The following RAPGEF6 variants were observed in gnomAD, a reference collection of about 807,000 sequenced individuals.
The protein encoded by RAPGEF6 is PDZ domain containing guanine nucleotide exchange factor (GEF) 2.
RAPGEF6 carries 56 observed loss-of-function variants against 171.4 expected under a neutral mutation model. That is an observed-to-expected ratio of 0.33 (90% confidence interval 0.26 to 0.41). RAPGEF6 has a LOEUF of 0.41. RAPGEF6 is among the 10% of genes least tolerant of loss of function. The probability of loss-of-function intolerance (pLI) is 1.00; values close to 1 mark genes in which losing one functional copy is unlikely to be tolerated. For synonymous variants in RAPGEF6, 692 were observed against 650.1 expected (o/e 1.06, Z -0.98); for missense variants, 1,674 against 1,921.4 (o/e 0.87, Z 2.41).
chr5:131,560,431 T>C (rs1407252871), intron 5 of RAPGEF6, among the ~76,000 whole-genome samples: 1 of 152,226 alleles, frequency 6.6e-6, no homozygotes, highest in African/African-American at 2.4e-5. Context: ...ACATAAAGTA[T>C]GTAAAACAAG....
At chr5:131,522,969 G>A (rs891599684) in intron 6 of RAPGEF6, among the ~76,000 whole-genome samples, 1 of 152,138 alleles carries the variant, frequency 6.6e-6, no homozygotes, top group Admixed American at 6.5e-5. Flanking sequence ...ACTGTTGGAA[G>A]CAAACACAAA....
chr5:131,601,375 G>A (rs1223846480), intron 3 of RAPGEF6, among the ~76,000 whole-genome samples: 1 of 136,952 alleles, frequency 7.3e-6, no homozygotes, highest in African/African-American at 2.7e-5. Context: ...ACAAGAGCGA[G>A]ACTCCGTCTC....
At chr5:131,568,737 T>C (rs1762098004) in intron 4 of RAPGEF6, among the ~76,000 whole-genome samples, 1 of 152,014 alleles carries the variant, frequency 6.6e-6, no homozygotes, top group African/African-American at 2.4e-5. Context: ...CTCTCACCAG[T>C]ACAATAAGGC....
At chr5:131,629,181 C>T (rs956169063) in intron 1 of RAPGEF6, among the ~76,000 whole-genome samples, 1 of 152,016 alleles carries the variant, frequency 6.6e-6, no homozygotes, top group African/African-American at 2.4e-5. Flanking sequence ...TTCCAGATGC[C>T]ATTAAAACCA....
At chr5:131,565,024 C>T (rs1017436538) in intron 4 of RAPGEF6, among the ~76,000 whole-genome samples, 10 of 151,998 alleles carry the variant, frequency 6.6e-5, no homozygotes, top group Admixed American at 2.0e-4. Context: ...TATTAAAATA[C>T]GTATTTTATA....
chr5:131,633,113 CATG>C (rs991000202), intron 1 of RAPGEF6, among the ~76,000 whole-genome samples: 9 of 152,132 alleles, frequency 5.9e-5, no homozygotes, highest in African/African-American at 2.2e-4. Flanking sequence ...GCGAGCGGAT[CATG>C]ATGTCAGGAG....
Position 131,433,611 on chromosome 5 carries a change from TG to T in RAPGEF6, c.3792del (p.Ser1265AlafsTer12). Reference protein sequence around the residue: ...PSAKSDNLSDSSHSEISSRSS... With the variant: ...PSAKSDNLSDXSHSEISSRSS... ...GACCGTGAAGAAATCTCACTATGGC[TG>T]GAGTCAGACAAGTTGTCAGATTTAG... On this transcript the variant is annotated frameshift_variant, in exon 25 of 28. Coordinates refer to ENST00000509018, the MANE Select transcript of RAPGEF6 (RefSeq NM_016340.6). LOFTEE classifies it high-confidence loss of function. 2 of 1,613,700 alleles carry T rather than the reference TG, an allele frequency of 1.2e-6. No homozygotes were observed. The highest frequency in any genetic ancestry group is 1.6e-4 in the Middle Eastern group (1 of 6,062).
intron 7 of RAPGEF6, among the ~76,000 whole-genome samples, chr5:131,519,600 C>A (rs1758339884): frequency 6.6e-6 from 1 of 152,190 alleles, no homozygotes; most frequent in African/African-American, 2.4e-5. Context: ...CAGGGTTTCA[C>A]CATGTTGGTC....
intron 6 of RAPGEF6, among the ~76,000 whole-genome samples, chr5:131,544,328 A>C (rs1760360349): frequency 6.6e-6 from 1 of 152,182 alleles, no homozygotes; most frequent in East Asian, 1.9e-4. Context: ...ACAGAAACAA[A>C]TTGTGGTACA....
intron 4 of RAPGEF6, among the ~76,000 whole-genome samples, chr5:131,576,205 T>C (rs917154303): frequency 5.3e-5 from 8 of 152,132 alleles, no homozygotes; most frequent in African/African-American, 1.9e-4. Flanking sequence ...TAATCCAGAC[T>C]GCGCTTGGTT....
At chr5:131,449,029 G>A (rs1440134503) in intron 21 of RAPGEF6, among the ~76,000 whole-genome samples, 1 of 152,076 alleles carries the variant, frequency 6.6e-6, no homozygotes. Flanking sequence ...GGCAAGACTC[G>A]AATAAAGAAG....
intron 6 of RAPGEF6, among the ~76,000 whole-genome samples, chr5:131,531,800 A>G (rs1174195093): frequency 6.6e-6 from 1 of 152,204 alleles, no homozygotes; most frequent in South Asian, 2.1e-4. Context: ...AGCAAGTTAG[A>G]GTATGATCAC....
At chr5:131,502,162 A>T (rs1428495551) in intron 11 of RAPGEF6, among the ~76,000 whole-genome samples, 1 of 152,242 alleles carries the variant, frequency 6.6e-6, no homozygotes, top group African/African-American at 2.4e-5. Context: ...TGGTAACATA[A>T]GTTTATACCA....
In RAPGEF6 at chr5:131,452,978, A is replaced by C. The variant is rs1188604129; in HGVS notation, c.3200+76T>G. Reference sequence around the variant, plus strand: ...CACACATGGTAGAATAAATATGATCAATAAATGATAAATATTTTAATTATT... The same window carrying C: ...CACACATGGTAGAATAAATATGATCCATAAATGATAAATATTTTAATTATT... On this transcript the variant is annotated intron_variant, in intron 21 of 27. Coordinates refer to ENST00000509018, the MANE Select transcript of RAPGEF6 (RefSeq NM_016340.6). 2.7e-6 allele frequency: 4 copies of C among 1,501,362 alleles called. 1 individual carries two copies. Among genetic ancestry groups the C allele is most frequent in the Non-Finnish European group, 3.6e-6 (4 of 1,117,824 alleles). The allele number at this position is 1,501,362 out of a possible 1,614,324, so 93.0% of individuals were successfully genotyped here.
intron 5 of RAPGEF6, among the ~76,000 whole-genome samples, chr5:131,550,632 G>A (rs1581010641): frequency 6.6e-6 from 1 of 152,118 alleles, no homozygotes; most frequent in Non-Finnish European, 1.5e-5. Context: ...TACCCATTCT[G>A]TCTTCACATG....
At position 131,431,264 on chromosome 5, in the gene RAPGEF6, T is replaced by C. The variant is rs776548995; in HGVS notation, c.4060A>G (p.Ile1354Val). 1 of 1,614,238 alleles carries C rather than the reference T, an allele frequency of 6.2e-7. No individual in the cohort carries two copies. Among genetic ancestry groups the C allele is most frequent in the Non-Finnish European group, 8.5e-7 (1 of 1,180,028 alleles). Residue 1354 changes from isoleucine to valine, a missense_variant, in exon 26 of 28, where the codon ATT becomes GTT. This residue lies in a region of RAPGEF6 where 552 missense variants were observed against 574.2 expected (regional missense o/e 0.96). Transcript: ENST00000509018. Reference protein sequence around the residue: ...SNEEISQEHIIIEAADSGRGS... With the variant: ...SNEEISQEHIVIEAADSGRGS... ...CGACCACTGTCAGCTGCTTCTATAA[T>C]GATATGCTCTTGAGAAATCTCTTCA...
chr5:131,467,788 T>C (rs1162130738), intron 17 of RAPGEF6, among the ~76,000 whole-genome samples: 1 of 152,122 alleles, frequency 6.6e-6, no homozygotes, highest in Non-Finnish European at 1.5e-5. Context: ...TTCTAGCACT[T>C]TAGGGGGCTG....
chr5:131,575,882 G>C (rs569086274), intron 4 of RAPGEF6, among the ~76,000 whole-genome samples: 1 of 152,178 alleles, frequency 6.6e-6, no homozygotes, highest in African/African-American at 2.4e-5. Context: ...TCATGTCTAC[G>C]TGCAGTGGCA....
intron 6 of RAPGEF6, among the ~76,000 whole-genome samples, chr5:131,535,037 A>T (rs902021495): frequency 2.0e-5 from 3 of 152,174 alleles, no homozygotes; most frequent in Non-Finnish European, 4.4e-5. Context: ...AGTGTGAGAA[A>T]TGCAATCCAC....
Sources: allele counts gnomAD v4.1 joint callset (sites outside exome capture counted in the v4.1 genomes callset), GRCh38; gene constraint gnomAD v4.1.1; regional missense constraint gnomAD v4.1.1; transcripts MANE v1.5; gene names NCBI Gene and HGNC (gene_info 2026-07-23, HGNC 2026-07-21).